Variants in GSDME observed in about 807,000 individuals in gnomAD.
GSDME encodes gasdermin-E.
Under a neutral mutation model 47.5 loss-of-function variants are expected in GSDME, and 44 were observed. The ratio of observed to expected loss-of-function variants is 0.93; its 90% confidence interval spans 0.73 to 1.19. The LOEUF is 1.19. Ranked by LOEUF, GSDME falls within the 50% of genes most tolerant of loss-of-function variation. The probability of loss-of-function intolerance (pLI) is 0.00; values close to 1 mark genes in which losing one functional copy is unlikely to be tolerated. For missense variants in GSDME, 663 were observed against 604.2 expected (o/e 1.10, Z -1.02); for synonymous variants, 258 against 252.8 (o/e 1.02, Z -0.20).
At chr7:24,730,469 T>C (rs919447233) in intron 3 of GSDME, among the ~76,000 whole-genome samples, 2 of 152,186 alleles carry the variant, frequency 1.3e-5, no homozygotes, top group Non-Finnish European at 2.9e-5. Context: ...CTTGAATGAT[T>C]CTTCTTAGGA....
intron 6 of GSDME, among the ~76,000 whole-genome samples, chr7:24,709,080 C>T (rs866197242): frequency 4.6e-5 from 7 of 152,204 alleles, no homozygotes; most frequent in Non-Finnish European, 8.8e-5. Flanking sequence ...TAAAGCCCCA[C>T]GCAGAGGAAC....
At chr7:24,775,424 C>G in the GSDME span, among the ~76,000 whole-genome samples, 1 of 152,166 alleles carries the variant, frequency 6.6e-6, no homozygotes. Flanking sequence ...ACTAATTTGC[C>G]TAAAAATCAT....
In GSDME at chr7:24,710,088, G is replaced by A. The variant is rs578005646; in HGVS notation, c.862+136C>T. 6.9e-5 allele frequency: 68 copies of A among 985,882 alleles called. 1 individual carries two copies. The highest frequency in any genetic ancestry group is 5.1e-4 in the African/African-American group (32 of 63,092). The allele number at this position is 985,882 out of a possible 1,614,324, so 61.1% of individuals were successfully genotyped here. On this transcript the variant is annotated intron_variant, in intron 6 of 9. Transcript: ENST00000645220. ...AGTCCTGCCGAGTGGACTGGGCCTC[G>A]GCGGCATCACCTCTCTTCTCATATG...
At chr7:24,786,970 G>C in the GSDME span, among the ~76,000 whole-genome samples, 14,876 of 152,100 alleles carry the variant, frequency 0.098, 866 homozygotes, top group Non-Finnish European at 0.12. The surrounding 1 kb of genome is among the most constrained non-coding windows in gnomAD (Gnocchi z 5.5). Context: ...ATGTGGTGGG[G>C]GCACTGGAGG....
intron 5 of GSDME, among the ~76,000 whole-genome samples, chr7:24,715,113 A>G (rs1019723463): frequency 6.6e-6 from 1 of 152,218 alleles, no homozygotes; most frequent in Non-Finnish European, 1.5e-5. Context: ...CAGGCACAAA[A>G]AGATGCATAT....
At position 24,709,238 on chromosome 7, in the gene GSDME, C is replaced by G. The variant is rs539183544; in HGVS notation, c.863-984G>C. On this transcript the variant is annotated intron_variant, in intron 6 of 9. Coordinates refer to ENST00000645220, the MANE Select transcript of GSDME (RefSeq NM_001127453.2). ...CCCCTGCTGACCAGAATGGCCAACT[C>G]GAAGGGTGGGCCTGTGGGCAGGACA... Among the ~76,000 whole-genome samples, 4 of 152,288 alleles carry G rather than the reference C, an allele frequency of 2.6e-5. No individual in the cohort carries two copies. In the South Asian group the frequency reaches 6.2e-4, roughly 24 times the overall value.
intron 3 of GSDME, among the ~76,000 whole-genome samples, chr7:24,743,163 C>T (rs901927158): frequency 9.2e-5 from 14 of 152,140 alleles, no homozygotes; most frequent in Non-Finnish European, 1.6e-4. Context: ...GCCCAGGCAC[C>T]CTCAATGTCT....
intron 8 of GSDME, chr7:24,704,331 C>T (rs112466800): frequency 3.3e-5 from 5 of 152,306 alleles, no homozygotes; most frequent in African/African-American, 1.2e-4. Flanking sequence ...TCCCAGGAGA[C>T]AGGTCACATG....
chr7:24,698,897 A>G lies in GSDME; in HGVS notation c.*129T>C, dbSNP rs1788742671. The G allele has an allele frequency of 3.9e-6, 3 of 768,444 alleles. No homozygotes were observed. Among genetic ancestry groups the G allele is most frequent in the Non-Finnish European group, 6.8e-6 (3 of 441,578 alleles). 47.6% of individuals were successfully genotyped at this position (768,444 alleles called of 1,614,324 possible). ...TAAAAGTCAGGTCATTCATCATGCA[A>G]AATGTCACCACTTCTTAAACTGTTC... On this transcript the variant is annotated 3_prime_UTR_variant, in exon 10 of 10. Transcript: ENST00000645220.
chr7:24,698,995 A>G lies in GSDME; in HGVS notation c.*31T>C, dbSNP rs1788746487. ...ACAGTTCTGAAAAATAGCCTTGGCC[A>G]GTAACACGTACTTCTAGTTCACATA... On this transcript the variant is annotated 3_prime_UTR_variant, in exon 10 of 10. Transcript: ENST00000645220. The G allele has an allele frequency of 6.8e-7, 1 of 1,462,686 alleles. No individual in the cohort carries two copies. Among genetic ancestry groups the G allele is most frequent in the Non-Finnish European group, 9.6e-7 (1 of 1,045,536 alleles). The allele number at this position is 1,462,686 out of a possible 1,614,324, so 90.6% of individuals were successfully genotyped here.
Position 24,699,001 on chromosome 7 carries a change from A to T in GSDME, c.*25T>A. On this transcript the variant is annotated 3_prime_UTR_variant, in exon 10 of 10. Transcript: ENST00000645220. ...CTGAAAAATAGCCTTGGCCAGTAAC[A>T]CGTACTTCTAGTTCACATATGACAT... is the stretch of plus-strand genomic sequence containing the variant. 1 of 1,508,402 alleles carries T rather than the reference A, an allele frequency of 6.6e-7. No homozygotes were observed. Among genetic ancestry groups the T allele is most frequent in the Non-Finnish European group, 9.2e-7 (1 of 1,085,862 alleles). 93.4% of individuals were successfully genotyped at this position (1,508,402 alleles called of 1,614,324 possible).
intron 1 of GSDME, among the ~76,000 whole-genome samples, chr7:24,751,365 T>G (rs901984736): frequency 6.6e-6 from 1 of 152,248 alleles, no homozygotes; most frequent in Non-Finnish European, 1.5e-5. Context: ...TTTTTATTTT[T>G]GCTTGCACCC....
chr7:24,748,225 T>C (rs1388207251), intron 2 of GSDME, among the ~76,000 whole-genome samples: 2 of 150,542 alleles, frequency 1.3e-5, no homozygotes, highest in Non-Finnish European at 3.0e-5. Flanking sequence ...AGTGGTGCAA[T>C]CTTGGCTCAC....
At chr7:24,763,397 T>C in the GSDME span, among the ~76,000 whole-genome samples, 2 of 151,396 alleles carry the variant, frequency 1.3e-5, no homozygotes, top group Non-Finnish European at 2.9e-5. This position sits in a 1 kb window ranked among gnomAD's most constrained non-coding sequence, Gnocchi z 4.3. Context: ...CATTACTAGA[T>C]AAAATAAGGG....
intron 9 of GSDME, among the ~76,000 whole-genome samples, chr7:24,699,512 G>T (rs1210253903): frequency 6.6e-6 from 1 of 152,084 alleles, no homozygotes; most frequent in Non-Finnish European, 1.5e-5. Flanking sequence ...GCTAATTTTT[G>T]TATTTTTAGT....
chr7:24,700,884 A>C (rs1279133702), intron 9 of GSDME, among the ~76,000 whole-genome samples: 1 of 152,236 alleles, frequency 6.6e-6, no homozygotes, highest in Non-Finnish European at 1.5e-5. Context: ...AGAGCTGTGC[A>C]GCATTCGGCT....
chr7:24,757,916 ATGCCCG>A (rs1323338505), upstream of GSDME: 1 of 152,382 alleles, frequency 6.6e-6, no homozygotes, highest in Non-Finnish European at 1.5e-5. This position sits in a 1 kb window ranked among gnomAD's most constrained non-coding sequence, Gnocchi z 5.9. Flanking sequence ...GGAGCCCCTA[ATGCCCG>A]TGCCTGGAGT....
rs1212146800 is a variant in GSDME at position 24,714,489 on chromosome 7, C to T, written c.697+2765G>A. On this transcript the variant is annotated intron_variant, in intron 5 of 9. Transcript: ENST00000645220. The surrounding 1 kb of genome is among the most constrained non-coding windows in gnomAD (Gnocchi z 5.0). ...AAATCAGGCAGTGAATCACCCAGAA[C>T]GATGACCTGACCACCAAGCCACCAT... Among the ~76,000 whole-genome samples the T allele has an allele frequency of 2.0e-5, 3 of 152,128 alleles. No individual in the cohort carries two copies. Among genetic ancestry groups the T allele is most frequent in the African/African-American group, 7.2e-5 (3 of 41,410 alleles).
chr7:24,765,108 TCTC>T, the GSDME span, among the ~76,000 whole-genome samples: 2 of 152,064 alleles, frequency 1.3e-5, no homozygotes, highest in East Asian at 3.9e-4. Flanking sequence ...ATTTCTCACC[TCTC>T]CTTGCTCACC....
Sources: gnomAD v4.1 joint callset for allele counts (sites outside exome capture counted in the v4.1 genomes callset) on GRCh38, gnomAD v4.1.1 for gene constraint, Gnocchi (gnomAD v3.1) non-coding constraint, MANE v1.5 for transcripts, NCBI Gene and HGNC (gene_info 2026-07-23, HGNC 2026-07-21) for gene names.